The following CDH13 variants were observed in gnomAD, a reference collection of about 807,000 sequenced individuals.
The protein encoded by CDH13 is cadherin-13.
A neutral mutation model predicts 63.8 loss-of-function variants in CDH13; 24 were observed. That is an observed-to-expected ratio of 0.38 (90% confidence interval 0.27 to 0.53). The LOEUF is 0.53. CDH13 is among the 20% of genes least tolerant of loss of function. The pLI is 0.85. For synonymous variants in CDH13, 503 were observed against 355.3 expected (o/e 1.42, Z -4.67); for missense variants, 1,049 against 903.1 (o/e 1.16, Z -2.07).
At chr16:82,627,709 G>T (rs902305995) in intron 1 of CDH13, among the ~76,000 whole-genome samples, 2 of 152,096 alleles carry the variant, frequency 1.3e-5, no homozygotes, top group African/African-American at 2.4e-5. Context: ...GCCTCAGCCC[G>T]GCTGCTGCTG....
intron 1 of CDH13, among the ~76,000 whole-genome samples, chr16:82,821,084 G>C (rs975252209): frequency 2.6e-5 from 4 of 152,178 alleles, no homozygotes; most frequent in African/African-American, 9.6e-5. Flanking sequence ...ATGGGCTCCT[G>C]TGGAAGCTTG....
intron 2 of CDH13, among the ~76,000 whole-genome samples, chr16:82,991,876 A>C (rs1025589005): frequency 6.6e-6 from 1 of 152,200 alleles, no homozygotes. Context: ...ACCGCTTCAC[A>C]TCATTATCTA....
At chr16:82,703,512 T>G (rs934833435) in intron 1 of CDH13, among the ~76,000 whole-genome samples, 1 of 151,988 alleles carries the variant, frequency 6.6e-6, no homozygotes, top group Non-Finnish European at 1.5e-5. Flanking sequence ...TTTCTCAGAG[T>G]CTCCAGGGAG....
chr16:83,243,790 C>T (rs1422414654), intron 5 of CDH13, among the ~76,000 whole-genome samples: 4 of 152,120 alleles, frequency 2.6e-5, no homozygotes, highest in African/African-American at 4.8e-5. Flanking sequence ...TACTTATGGT[C>T]AGTTAGTAAA....
chr16:82,664,173 C>G (rs928091568), intron 1 of CDH13, among the ~76,000 whole-genome samples: 1 of 152,250 alleles, frequency 6.6e-6, no homozygotes, highest in Non-Finnish European at 1.5e-5. Flanking sequence ...TAAATGTTAG[C>G]TTTTGTTGAA....
intron 1 of CDH13, among the ~76,000 whole-genome samples, chr16:82,795,598 G>C (rs929812990): frequency 1.3e-5 from 2 of 152,136 alleles, no homozygotes; most frequent in African/African-American, 4.8e-5. Flanking sequence ...CAAAATGAAG[G>C]TTTAAGGAGA....
intron 1 of CDH13, among the ~76,000 whole-genome samples, chr16:82,786,079 TGAATGAGTTAGGGTGAGCAAGTGATCA>T (rs913016179): frequency 3.9e-5 from 6 of 152,194 alleles, no homozygotes; most frequent in Admixed American, 1.3e-4. Context: ...GCAAGTAATC[TGAATGAGTTAGGGTGAGCAAGTGATCA>T]GAATGAGTTA....
intron 10 of CDH13, among the ~76,000 whole-genome samples, chr16:83,728,342 C>CGTGTGTGTGTGTGTGTGTGTGTGTGT (rs145865689): frequency 1.0e-4 from 15 of 149,212 alleles, no homozygotes; most frequent in Non-Finnish European, 1.8e-4. Context: ...TATGTGTGTG[C>CGTGTGTGTGTGTGTGTGTGTGTGTGT]GTGTGTGTGT....
intron 3 of CDH13, among the ~76,000 whole-genome samples, chr16:83,073,090 G>A (rs936824332): frequency 2.0e-5 from 3 of 152,120 alleles, no homozygotes; most frequent in Non-Finnish European, 4.4e-5. Context: ...AACTCCTCGT[G>A]ACAACCTGGA....
intron 1 of CDH13, among the ~76,000 whole-genome samples, chr16:82,712,648 A>G (rs1364065038): frequency 6.6e-6 from 1 of 152,146 alleles, no homozygotes; most frequent in African/African-American, 2.4e-5. Context: ...GTCTACATAA[A>G]TGTTTAATTC....
chr16:83,710,356 C>G (rs1907834630), intron 10 of CDH13: 1 of 152,216 alleles, frequency 6.6e-6, no homozygotes, highest in Non-Finnish European at 1.5e-5. Context: ...AACCTGGAGG[C>G]TTTCCCTGAC....
chr16:83,646,658 C>G (rs973672913), intron 8 of CDH13, among the ~76,000 whole-genome samples: 5 of 141,280 alleles, frequency 3.5e-5, no homozygotes. Context: ...CGCGATTGCA[C>G]TCCAGCCTGG....
At chr16:82,664,325 C>A (rs961373996) in intron 1 of CDH13, among the ~76,000 whole-genome samples, 1 of 152,222 alleles carries the variant, frequency 6.6e-6, no homozygotes, top group Non-Finnish European at 1.5e-5. Context: ...TCTTGTCTCT[C>A]CAGGCTCCTG....
chr16:82,781,572 C>T (rs1220596290), intron 1 of CDH13, among the ~76,000 whole-genome samples: 1 of 152,032 alleles, frequency 6.6e-6, no homozygotes, highest in Non-Finnish European at 1.5e-5. Context: ...ATCCATCCAC[C>T]CACCTACCCA....
chr16:83,662,580 G>A (rs946140718), intron 8 of CDH13, among the ~76,000 whole-genome samples: 5 of 152,200 alleles, frequency 3.3e-5, no homozygotes, highest in African/African-American at 4.8e-5. Context: ...GCAGGGAGTT[G>A]AGGATCTCTA....
At chr16:83,060,506 C>G (rs993861674) in intron 3 of CDH13, among the ~76,000 whole-genome samples, 8 of 152,152 alleles carry the variant, frequency 5.3e-5, no homozygotes, top group East Asian at 1.9e-4. Flanking sequence ...TGCATCCCCT[C>G]CATTAACTCA....
At chr16:83,435,299 C>G (rs2072260698) in intron 6 of CDH13, among the ~76,000 whole-genome samples, 2 of 152,144 alleles carry the variant, frequency 1.3e-5, no homozygotes, top group African/African-American at 2.4e-5. Context: ...CTGTCTCAGC[C>G]TCCCAAAGGG....
rs150554890 is a variant in CDH13, at chr16:83,047,498, A to G, written c.366+15280A>G. Among the ~76,000 whole-genome samples the G allele has an allele frequency of 0.016, 2,493 of 152,222 alleles. 61 individuals carry two copies. Among genetic ancestry groups the G allele is most frequent in the African/African-American group, 0.054 (2,257 of 41,516 alleles). Reference sequence around the variant, plus strand: ...TCCTCTTTCCCTCAGGCCTTTGCGTAATATTTTCTCTGCATGGAAGGGGAG... The same window carrying G: ...TCCTCTTTCCCTCAGGCCTTTGCGTGATATTTTCTCTGCATGGAAGGGGAG... On this transcript the variant is annotated intron_variant, in intron 3 of 13. Transcript: ENST00000567109. The surrounding 1 kb of genome is among the most constrained non-coding windows in gnomAD (Gnocchi z 4.9).
intron 4 of CDH13, among the ~76,000 whole-genome samples, chr16:83,153,289 G>T (rs1194142042): frequency 6.6e-6 from 1 of 151,950 alleles, no homozygotes; most frequent in Non-Finnish European, 1.5e-5. Flanking sequence ...CTGAGTTGGG[G>T]GTCATAAGAT....
Sources: allele counts gnomAD v4.1 joint callset (sites outside exome capture counted in the v4.1 genomes callset), GRCh38; gene constraint gnomAD v4.1.1; non-coding constraint Gnocchi (gnomAD v3.1); transcripts MANE v1.5; gene names NCBI Gene and HGNC (gene_info 2026-07-23, HGNC 2026-07-21).